The following DENND1A variants were observed in gnomAD, a reference collection of about 807,000 sequenced individuals.
DENND1A encodes the protein DENN domain containing 1A.
Under a neutral mutation model 113.7 loss-of-function variants are expected in DENND1A, and 51 were observed. The ratio of observed to expected loss-of-function variants is 0.45; its 90% CI spans 0.36 to 0.57. DENND1A has a LOEUF of 0.57. Among genes scored for constraint, DENND1A ranks in the 20% least tolerant of loss-of-function variants. The pLI, the probability that DENND1A is intolerant of heterozygous loss-of-function variation, is 0.00. For missense variants in DENND1A, 1,258 were observed against 1,395.9 expected, an observed-to-expected ratio of 0.90 and a Z score of 1.57; for synonymous variants, 565 against 570.8, an observed-to-expected ratio of 0.99 and a Z score of 0.14.
chr9:123,385,797 CA>C (rs1175573495), intron 22 of DENND1A, among the ~76,000 whole-genome samples: 1 of 152,202 alleles, frequency 6.6e-6, no homozygotes. Flanking sequence ...AAATGGAAGC[CA>C]AGCTTGAGAG....
intron 13 of DENND1A, among the ~76,000 whole-genome samples, chr9:123,548,060 A>G (rs892326157): frequency 6.6e-6 from 1 of 152,204 alleles, no homozygotes; most frequent in African/African-American, 2.4e-5. Context: ...ATCTTCTAGT[A>G]GATGACAGAA....
Position 123,384,293 on chromosome 9 carries a change from C to T in DENND1A, c.1761-380G>A, listed in dbSNP as rs865883158. On this transcript the variant is annotated intron_variant, in intron 22 of 23. Transcript: ENST00000394215. Reference sequence around the variant, plus strand: ...GGCCAGCAGTCATGCTCCTCTTGCTCCCGCCCTGCTCTGCTGTTTGTTTGG... The same window carrying T: ...GGCCAGCAGTCATGCTCCTCTTGCTTCCGCCCTGCTCTGCTGTTTGTTTGG... Among the ~76,000 whole-genome samples, 4 of 152,360 alleles carry T rather than the reference C, an allele frequency of 2.6e-5. 1 individual carries two copies. In the Middle Eastern group the frequency reaches 0.01, roughly 389 times the overall value.
intron 5 of DENND1A, among the ~76,000 whole-genome samples, chr9:123,729,288 A>G (rs2067983451): frequency 6.6e-6 from 1 of 152,198 alleles, no homozygotes; most frequent in African/African-American, 2.4e-5. Flanking sequence ...AAAGAAATAA[A>G]GGGCATTCAA....
Position 123,480,941 on chromosome 9 carries a change from G to A in DENND1A, c.994-23044C>T, listed in dbSNP as rs530730547. Among the ~76,000 whole-genome samples, 11 of 152,218 alleles carry A rather than the reference G, an allele frequency of 7.2e-5. No individual in the cohort carries two copies. In the East Asian group the frequency reaches 1.5e-3, roughly 21 times the overall value. On this transcript the variant is annotated intron_variant, in intron 13 of 23. Transcript: ENST00000394215. ...CAGAATTCTTCCTGAAGCAGACGGC[G>A]TCACAGCAAGGCTGCAATTATAGAC...
intron 2 of DENND1A, among the ~76,000 whole-genome samples, chr9:123,830,193 C>T (rs1001963749): frequency 6.6e-6 from 1 of 152,050 alleles, no homozygotes; most frequent in African/African-American, 2.4e-5. Context: ...ATGGATGATT[C>T]TCAAAAAATC....
chr9:123,571,603 T>A (rs1016547937), intron 12 of DENND1A, among the ~76,000 whole-genome samples: 4 of 152,268 alleles, frequency 2.6e-5, no homozygotes, highest in Non-Finnish European at 5.9e-5. Flanking sequence ...TTAAGATTCA[T>A]TCATGTTGCT....
chr9:123,537,781 A>G (rs2055898894), intron 13 of DENND1A, among the ~76,000 whole-genome samples: 1 of 152,256 alleles, frequency 6.6e-6, no homozygotes, highest in African/African-American at 2.4e-5. Context: ...TACTCAAAAT[A>G]GAATGTATGA....
At chr9:123,629,187 C>T (rs574523569) in intron 10 of DENND1A, among the ~76,000 whole-genome samples, 2 of 152,264 alleles carry the variant, frequency 1.3e-5, no homozygotes, top group Non-Finnish European at 2.9e-5. Context: ...TCAATCACTC[C>T]GAACCAGTGG....
rs1031743687 is a variant in DENND1A, at chr9:123,387,842, G to A, written c.1648C>T (p.Arg550Ter). ...TCGGAGAGGAAGACCGCATAGTGTCGCAAGGGCTTTACCAGGCTGGGGCAG... is the reference window on the plus strand; with the variant it reads ...TCGGAGAGGAAGACCGCATAGTGTCACAAGGGCTTTACCAGGCTGGGGCAG... ...PSPEHLVKPL[R>*]HYAVFLSEDS... The change falls in exon 22 of 24, where the codon CGA (arginine) becomes TGA (stop). Residue 550 changes from arginine to a stop codon, truncating the protein, a stop_gained. Coordinates refer to ENST00000394215, the MANE Select transcript of DENND1A (RefSeq NM_001352964.2). LOFTEE classifies it high-confidence loss of function. 2.3e-6 allele frequency: 3 copies of A among 1,289,924 alleles called. No homozygotes were observed. The highest frequency in any genetic ancestry group is 1.5e-5 in the African/African-American group (1 of 65,850). The allele number at this position is 1,289,924 out of a possible 1,614,324, so 79.9% of individuals were successfully genotyped here. A position where few individuals can be genotyped will look rare whatever the true frequency, so the allele number is the denominator to read the frequency against.
intron 9 of DENND1A, among the ~76,000 whole-genome samples, chr9:123,642,460 C>A (rs2062081003): frequency 6.6e-6 from 1 of 152,244 alleles, no homozygotes; most frequent in Non-Finnish European, 1.5e-5. Context: ...TTTCCCTCTT[C>A]ACCAAAAGGA....
intron 2 of DENND1A, among the ~76,000 whole-genome samples, chr9:123,856,957 G>C (rs527591169): frequency 2.0e-5 from 3 of 152,084 alleles, no homozygotes; most frequent in East Asian, 3.9e-4. Context: ...TGAATCGGTG[G>C]TATTGGTTGA....
intron 13 of DENND1A, among the ~76,000 whole-genome samples, chr9:123,538,435 A>C (rs189689889): frequency 2.3e-3 from 350 of 152,266 alleles, no homozygotes; most frequent in African/African-American, 8.0e-3. Flanking sequence ...ATAATTTCTC[A>C]CTAAAAAGAA....
At chr9:123,387,657 C>T in intron 22 of DENND1A, 73 bp downstream of exon 22, 1 of 1,271,348 alleles carries the variant, frequency 7.9e-7, no homozygotes, top group Non-Finnish European at 1.0e-6. Context: ...CAGCACCAGC[C>T]CCCCGCTTTC....
intron 5 of DENND1A, among the ~76,000 whole-genome samples, chr9:123,731,193 C>T (rs1011534776): frequency 2.6e-5 from 4 of 151,966 alleles, no homozygotes; most frequent in South Asian, 2.1e-4. Context: ...CACCATGGCA[C>T]GTGTATACCT....
chr9:123,875,836 T>C (rs753473874), intron 2 of DENND1A, among the ~76,000 whole-genome samples: 18 of 152,168 alleles, frequency 1.2e-4, no homozygotes, highest in Non-Finnish European at 2.2e-4. Flanking sequence ...CAGAGACTCC[T>C]TGCCCTGTGG....
At chr9:123,650,263 T>C (rs2062571389) in intron 9 of DENND1A, among the ~76,000 whole-genome samples, 1 of 152,024 alleles carries the variant, frequency 6.6e-6, no homozygotes, top group South Asian at 2.1e-4. Flanking sequence ...TACTAGGCAA[T>C]TAAAAAAAAC....
intron 2 of DENND1A, among the ~76,000 whole-genome samples, chr9:123,855,643 G>C (rs1844055951): frequency 6.6e-6 from 1 of 152,114 alleles, no homozygotes; most frequent in South Asian, 2.1e-4. Flanking sequence ...GCATTATAAG[G>C]TTTAAGCAGA....
intron 5 of DENND1A, among the ~76,000 whole-genome samples, chr9:123,680,141 G>A (rs2140177874): frequency 6.6e-6 from 1 of 152,260 alleles, no homozygotes; most frequent in Non-Finnish European, 1.5e-5. Context: ...TGATCATGGA[G>A]CATCATCATG....
At chr9:123,560,061 A>C (rs1018218039) in intron 12 of DENND1A, among the ~76,000 whole-genome samples, 5 of 152,246 alleles carry the variant, frequency 3.3e-5, no homozygotes, top group African/African-American at 1.2e-4. Flanking sequence ...CACTGTATGG[A>C]TAGACCACAT....
Sources: gnomAD v4.1 joint callset for allele counts (sites outside exome capture counted in the v4.1 genomes callset) on GRCh38, gnomAD v4.1.1 for gene constraint, MANE v1.5 for transcripts, NCBI Gene and HGNC (gene_info 2026-07-23, HGNC 2026-07-21) for gene names.